Variants in DENND1A observed in about 807,000 individuals in gnomAD.
DENND1A encodes DENN domain-containing protein 1A.
A neutral mutation model predicts 113.7 loss-of-function variants in DENND1A; 51 were observed. That is an observed-to-expected ratio of 0.45 (90% CI 0.36 to 0.57). DENND1A has a LOEUF of 0.57. DENND1A is among the 20% of genes least tolerant of loss of function. DENND1A has a pLI of 0.00. For missense variants in DENND1A, 1,258 were observed against 1,395.9 expected (o/e 0.90, Z 1.57); for synonymous variants, 565 against 570.8 (o/e 0.99, Z 0.14).
At position 123,543,368 on chromosome 9, in the gene DENND1A, G is replaced by T. The variant is rs572068547; in HGVS notation, c.993+14202C>A. Among the ~76,000 whole-genome samples, 9 of 152,346 alleles carry T rather than the reference G, an allele frequency of 5.9e-5. No individual in the cohort carries two copies. In the East Asian group the frequency reaches 1.3e-3, roughly 23 times the overall value. On this transcript the variant is annotated intron_variant, in intron 13 of 23. Coordinates refer to ENST00000394215, the MANE Select transcript of DENND1A (RefSeq NM_001352964.2). Reference sequence around the variant, plus strand: ...CAGCTGGGCTTCAGTAGTGTACATTGTTAATGTATTTAAAAAGTTACAGTA... The same window carrying T: ...CAGCTGGGCTTCAGTAGTGTACATTTTTAATGTATTTAAAAAGTTACAGTA...
intron 12 of DENND1A, among the ~76,000 whole-genome samples, chr9:123,563,603 CTA>C (rs1407666112): frequency 2.0e-5 from 3 of 152,112 alleles, no homozygotes; most frequent in Non-Finnish European, 2.9e-5. Context: ...TTTACCAGTA[CTA>C]TTACAACAGT....
intron 15 of DENND1A, among the ~76,000 whole-genome samples, chr9:123,456,280 C>T (rs1435562974): frequency 6.6e-6 from 1 of 152,076 alleles, no homozygotes; most frequent in African/African-American, 2.4e-5. Context: ...TGGGCACACA[C>T]CCAGCAATAA....
intron 21 of DENND1A, chr9:123,402,429 T>C (rs1465719746): frequency 4.0e-6 from 2 of 499,500 alleles, no homozygotes; most frequent in East Asian, 1.1e-4. Context: ...AAATCATTTT[T>C]TTTCCTTCTT....
intron 5 of DENND1A, among the ~76,000 whole-genome samples, chr9:123,723,694 C>G (rs866272078): frequency 4.6e-5 from 7 of 152,292 alleles, no homozygotes; most frequent in Middle Eastern, 6.8e-3. Context: ...ATTTGCTCCC[C>G]CTTGCCTTCC....
At chr9:123,582,885 A>G (rs1287771506) in intron 12 of DENND1A, among the ~76,000 whole-genome samples, 8 of 145,990 alleles carry the variant, frequency 5.5e-5, no homozygotes, top group Non-Finnish European at 1.2e-4. Context: ...TTTTAGTAGA[A>G]ACAGGGTTTC....
chr9:123,650,342 G>A (rs574471225), intron 9 of DENND1A, among the ~76,000 whole-genome samples: 14 of 152,138 alleles, frequency 9.2e-5, no homozygotes, highest in African/African-American at 2.4e-4. Flanking sequence ...AAAACTGTAA[G>A]GAAAACTCTA....
intron 3 of DENND1A, among the ~76,000 whole-genome samples, chr9:123,791,776 G>A (rs1211842228): frequency 6.6e-6 from 1 of 152,124 alleles, no homozygotes; most frequent in African/African-American, 2.4e-5. Flanking sequence ...ACATGTGAAA[G>A]GTTTTATAAA....
Position 123,447,801 on chromosome 9 carries a change from A to C in DENND1A, c.1356+2892T>G, listed in dbSNP as rs2047414852. On this transcript the variant is annotated intron_variant, in intron 18 of 23. Coordinates refer to ENST00000394215, the MANE Select transcript of DENND1A (RefSeq NM_001352964.2). ...AAAGGGGAGAAGGACAAAAAAAAAA[A>C]AACCAAGGAAATATTTTCTACTGCT... 1.3e-5 allele frequency among the ~76,000 whole-genome samples: 2 copies of C among 151,940 alleles called. 1 individual carries two copies. The highest frequency in any genetic ancestry group is 4.2e-4 in the South Asian group (2 of 4,816).
intron 19 of DENND1A, among the ~76,000 whole-genome samples, chr9:123,435,605 G>A (rs2046460065): frequency 1.3e-5 from 2 of 152,214 alleles, no homozygotes; most frequent in South Asian, 4.1e-4. Context: ...TTTGTTTGCA[G>A]ATCAGTCATT....
At chr9:123,567,629 C>G (rs1239306424) in intron 12 of DENND1A, among the ~76,000 whole-genome samples, 1 of 152,184 alleles carries the variant, frequency 6.6e-6, no homozygotes, top group Non-Finnish European at 1.5e-5. Context: ...GCAAAAGCCA[C>G]CTTTCCATTT....
intron 23 of DENND1A, 127 bp downstream of exon 23, chr9:123,383,528 G>A: frequency 7.0e-7 from 1 of 1,429,930 alleles, no homozygotes; most frequent in Non-Finnish European, 9.4e-7. Context: ...CTGACCCTGA[G>A]CATTGGCTGA....
intron 2 of DENND1A, among the ~76,000 whole-genome samples, chr9:123,840,792 G>A (rs900486595): frequency 2.0e-5 from 3 of 152,140 alleles, no homozygotes; most frequent in Admixed American, 1.3e-4. Flanking sequence ...CAGGTGGGGC[G>A]TTATCCAAAT....
At chr9:123,864,466 T>G (rs943928993) in intron 2 of DENND1A, among the ~76,000 whole-genome samples, 11 of 152,342 alleles carry the variant, frequency 7.2e-5, no homozygotes, top group African/African-American at 2.4e-4. Flanking sequence ...AAGTACAGGC[T>G]GACGCCGAGG....
chr9:123,909,956 A>G (rs180955746), intron 1 of DENND1A, among the ~76,000 whole-genome samples: 12 of 152,278 alleles, frequency 7.9e-5, no homozygotes, highest in Non-Finnish European at 1.5e-4. Context: ...AAATCAAAGA[A>G]CTACAAATAA....
chr9:123,707,003 A>G (rs1372294995), intron 5 of DENND1A, among the ~76,000 whole-genome samples: 3 of 152,190 alleles, frequency 2.0e-5, no homozygotes, highest in African/African-American at 7.2e-5. Flanking sequence ...GGAAAAGTCC[A>G]TGTCTGAGAT....
At chr9:123,412,346 G>C (rs1053603793) in intron 19 of DENND1A, among the ~76,000 whole-genome samples, 6 of 152,242 alleles carry the variant, frequency 3.9e-5, no homozygotes, top group African/African-American at 1.4e-4. Context: ...GGCTGCTCCG[G>C]CTGGACTGGC....
At chr9:123,771,126 C>A (rs1042191724) in intron 3 of DENND1A, among the ~76,000 whole-genome samples, 1 of 152,066 alleles carries the variant, frequency 6.6e-6, no homozygotes. Flanking sequence ...TCCTAAGAAA[C>A]ATTACTTATA....
intron 2 of DENND1A, among the ~76,000 whole-genome samples, chr9:123,801,052 C>A (rs527596936): frequency 6.6e-6 from 1 of 152,328 alleles, no homozygotes; most frequent in South Asian, 2.1e-4. Flanking sequence ...AAAATCCTGT[C>A]TTCCCCACTC....
intron 15 of DENND1A, among the ~76,000 whole-genome samples, chr9:123,455,680 T>C (rs549062763): frequency 5.3e-5 from 8 of 152,332 alleles, no homozygotes; most frequent in African/African-American, 9.6e-5. Context: ...TGGACACACA[T>C]TGAACCCTCG....
Sources: gnomAD v4.1 joint callset for allele counts (sites outside exome capture counted in the v4.1 genomes callset) on GRCh38, gnomAD v4.1.1 for gene constraint, MANE v1.5 for transcripts, NCBI Gene and HGNC (gene_info 2026-07-23, HGNC 2026-07-21) for gene names.